The following CTNND1 variants were observed in gnomAD, a reference collection of about 807,000 sequenced individuals.
CTNND1 encodes catenin delta 1, also known as catenin delta-1.
CTNND1 carries 16 observed loss-of-function variants against 112.1 expected under a neutral mutation model. The observed-to-expected ratio is 0.14, with a 90% CI of 0.10 to 0.22. The LOEUF is 0.22. CTNND1 is among the 10% of genes least tolerant of loss of function. The probability of loss-of-function intolerance (pLI) is 1.00; values close to 1 mark genes in which losing one functional copy is unlikely to be tolerated. For synonymous variants in CTNND1, 420 were observed against 446.5 expected (o/e 0.94, Z 0.75); for missense variants, 1,008 against 1,257.0 (o/e 0.80, Z 3.00).
At chr11:57,803,050 T>C (rs1347497605) in intron 7 of CTNND1, among the ~76,000 whole-genome samples, 4 of 152,304 alleles carry the variant, frequency 2.6e-5, no homozygotes, top group East Asian at 1.9e-4. Flanking sequence ...ATGTCAGTGG[T>C]GCTGAGGTTG....
At chr11:57,786,143 AG>A (rs1432481563) in intron 1 of CTNND1, among the ~76,000 whole-genome samples, 1 of 151,946 alleles carries the variant, frequency 6.6e-6, no homozygotes, top group African/African-American at 2.4e-5. Context: ...GGGAATAACA[AG>A]TTTCACTTTA....
intron 6 of CTNND1, among the ~76,000 whole-genome samples, chr11:57,799,117 C>G (rs911079232): frequency 6.6e-6 from 1 of 152,088 alleles, no homozygotes; most frequent in African/African-American, 2.4e-5. Context: ...GGGTAGAGGC[C>G]CCATTATCTA....
chr11:57,800,663 A>T (rs2061919705), intron 6 of CTNND1, among the ~76,000 whole-genome samples: 1 of 152,220 alleles, frequency 6.6e-6, no homozygotes, highest in Non-Finnish European at 1.5e-5. Flanking sequence ...GATACCTGTG[A>T]GGCAGGCCTT....
chr11:57,808,467 T>C lies in CTNND1; in HGVS notation c.2169T>C (p.His723=). The C allele has an allele frequency of 6.2e-7, 1 of 1,613,342 alleles. No individual in the cohort carries two copies. The highest frequency in any genetic ancestry group is 8.5e-7 in the Non-Finnish European group (1 of 1,179,624). ...SAIADLLTNE[H]ERVVKAASGA... is the part of the protein sequence containing the mutation. Reference sequence around the variant, plus strand: ...TAGCTGACCTCCTGACTAATGAACATGAACGGGTGGTGAAAGCTGCATCTG... The same window carrying C: ...TAGCTGACCTCCTGACTAATGAACACGAACGGGTGGTGAAAGCTGCATCTG... The change falls in exon 14 of 21, where the codon CAT becomes CAC. Residue 723 remains histidine, a synonymous_variant. Coordinates refer to ENST00000399050, the MANE Select transcript of CTNND1 (RefSeq NM_001085458.2).
chr11:57,785,459 T>C (rs1001250255), intron 1 of CTNND1, among the ~76,000 whole-genome samples: 2 of 152,220 alleles, frequency 1.3e-5, no homozygotes, highest in Non-Finnish European at 2.9e-5. Context: ...CTTAACCTCT[T>C]AAGAATCATA....
chr11:57,798,344 CAA>C (rs71061542), intron 6 of CTNND1, among the ~76,000 whole-genome samples: 1,385 of 105,674 alleles, frequency 0.013, 15 homozygotes, highest in African/African-American at 0.035. Context: ...GAGACTGTCT[CAA>C]AAAAAAAAAA....
intron 6 of CTNND1, among the ~76,000 whole-genome samples, chr11:57,799,805 A>G (rs573864731): frequency 6.6e-6 from 1 of 152,270 alleles, no homozygotes; most frequent in African/African-American, 2.4e-5. Context: ...AAAACCCAGA[A>G]AAGCATTACC....
At chr11:57,800,050 C>T (rs1370088882) in intron 6 of CTNND1, among the ~76,000 whole-genome samples, 2 of 124,210 alleles carry the variant, frequency 1.6e-5, no homozygotes, top group Non-Finnish European at 3.1e-5. Flanking sequence ...AGCAGTGGTG[C>T]GATCTGGTAT....
chr11:57,796,730 T>C lies in CTNND1; in HGVS notation c.694T>C (p.Ser232Pro), dbSNP rs2061394734. The change falls in exon 6 of 21, where the codon TCC (serine) becomes CCC (proline). Residue 232 changes from serine (S) to proline (P), a missense_variant. Physicochemically the swap from Ser to Pro is moderately conservative, Grantham distance 74. Coordinates refer to ENST00000399050, the MANE Select transcript of CTNND1 (RefSeq NM_001085458.2). ...PGGSDNYGSL[S>P]RVTRIEERYR... is the part of the protein sequence containing the mutation. ...TGGCAGTGATAACTATGGCAGTCTG[T>C]CCCGGGTGACCCGCATTGAGGAGCG... The C allele has an allele frequency of 5.0e-6, 8 of 1,613,954 alleles. No individual in the cohort carries two copies. Among genetic ancestry groups the C allele is most frequent in the East Asian group, 2.2e-5 (1 of 44,878 alleles).
At chr11:57,762,654 TCTTA>T (rs1381099578) in intron 1 of CTNND1, among the ~76,000 whole-genome samples, 3 of 152,202 alleles carry the variant, frequency 2.0e-5, no homozygotes, top group Non-Finnish European at 2.9e-5. Context: ...GGTGGATCCC[TCTTA>T]CTTTTCCAGG....
chr11:57,810,165 G>T lies in CTNND1; in HGVS notation c.2492G>T (p.Gly831Val). 6.2e-7 allele frequency: 1 copy of T among 1,613,134 alleles called. No individual in the cohort carries two copies. The highest frequency in any genetic ancestry group is 8.5e-7 in the Non-Finnish European group (1 of 1,179,476). ...GCACTTGTATTACAGACAATCTGGG[G>T]ATATAAGGAACTGCGGAAGCCACTG... ...AAALVLQTIW[G>V]YKELRKPLEK... Residue 831 changes from glycine to valine, a missense_variant, in exon 16 of 21, where the codon GGA (glycine) becomes GTA (valine). Around this residue, in one of 5 missense-constraint regions of CTNND1, gnomAD observed 28 missense variants for 60.6 expected, o/e 0.46. Coordinates refer to ENST00000399050, the MANE Select transcript of CTNND1 (RefSeq NM_001085458.2).
chr11:57,770,329 CAAAAATA>C (rs1291510691), intron 1 of CTNND1, among the ~76,000 whole-genome samples: 1 of 147,500 alleles, frequency 6.8e-6, no homozygotes, highest in Non-Finnish European at 1.5e-5. Flanking sequence ...GACTCCGTCT[CAAAAATA>C]AAAAATAAAA....
chr11:57,808,148 A>G lies in CTNND1; in HGVS notation c.1964-17A>G, dbSNP rs369536016. 1,156 of 1,602,084 alleles carry G rather than the reference A, an allele frequency of 7.2e-4. 14 individuals carry two copies. The South Asian group carries it at 9.6e-3, about 13-fold the overall frequency. On this transcript the variant is annotated splice_polypyrimidine_tract_variant and intron_variant, in intron 12 of 20. Transcript: ENST00000399050. Reference sequence around the variant, plus strand: ...GTACTGATTAGCACCCTCTGCTTCTATTTCTCTTTTGTGCAGGCTATGAGC... The same window carrying G: ...GTACTGATTAGCACCCTCTGCTTCTGTTTCTCTTTTGTGCAGGCTATGAGC...
chr11:57,807,380 C>T (rs966643944), intron 12 of CTNND1, among the ~76,000 whole-genome samples: 4 of 152,108 alleles, frequency 2.6e-5, no homozygotes, highest in African/African-American at 7.2e-5. Context: ...CCGAGGCGGG[C>T]AGATCACCTG....
rs1273695546 is a variant in CTNND1 at position 57,802,172 on chromosome 11, A to G, written c.1396A>G (p.Met466Val). 3 of 1,613,250 alleles carry G rather than the reference A, an allele frequency of 1.9e-6. No individual in the cohort carries two copies. Among genetic ancestry groups the G allele is most frequent in the African/African-American group, 1.3e-5 (1 of 75,038 alleles). The part of the protein sequence containing the change: ...LVRLLRKARD[M>V]DLTEVITGTL... ...GCGATTGCTTCGAAAGGCTCGTGAT[A>G]TGGACCTTACTGAAGTTATTACCGG... Residue 466 changes from methionine to valine, a missense_variant, in exon 7 of 21, where the codon ATG becomes GTG. Met to Val is a conservative substitution (Grantham distance 21, BLOSUM62 1). This residue lies in a region of CTNND1 where 216 missense variants were observed against 342.8 expected (regional missense o/e 0.63). Coordinates refer to ENST00000399050, the MANE Select transcript of CTNND1 (RefSeq NM_001085458.2).
In CTNND1 at chr11:57,818,409, A is replaced by G. The variant is rs1279250512; in HGVS notation, c.*2101A>G. 6.6e-6 allele frequency: 1 copy of G among 152,256 alleles called. No individual in the cohort carries two copies. Among genetic ancestry groups the G allele is most frequent in the East Asian group, 1.9e-4 (1 of 5,176 alleles). 9.4% of individuals were successfully genotyped at this position (152,256 alleles called of 1,614,324 possible). A position where few individuals can be genotyped will look rare whatever the true frequency, so the allele number is the denominator to read the frequency against. On this transcript the variant is annotated 3_prime_UTR_variant, in exon 21 of 21. Transcript: ENST00000399050. ...TGTCTTGTTAATGCTTTTAAAAACA[A>G]ATGAGTTTTTTATATAAATAAAGTT...
At chr11:57,791,789 T>G in intron 3 of CTNND1, 116 bp downstream of exon 3, 3 of 1,150,012 alleles carry the variant, frequency 2.6e-6, no homozygotes, top group Non-Finnish European at 3.5e-6. Flanking sequence ...GTGCCCGTTC[T>G]TCCAGGGATT....
At chr11:57,775,234 T>C (rs1178088547) in intron 1 of CTNND1, among the ~76,000 whole-genome samples, 1 of 151,306 alleles carries the variant, frequency 6.6e-6, no homozygotes, top group Admixed American at 6.6e-5. Context: ...CCAGGCACGG[T>C]GGCCTGTGCC....
At chr11:57,763,429 A>G (rs1369514172) in intron 1 of CTNND1, among the ~76,000 whole-genome samples, 3 of 152,134 alleles carry the variant, frequency 2.0e-5, no homozygotes, top group Non-Finnish European at 4.4e-5. Context: ...AATTTTTTTA[A>G]GACTAGACTT....
Sources: allele counts gnomAD v4.1 joint callset (sites outside exome capture counted in the v4.1 genomes callset), GRCh38; gene constraint gnomAD v4.1.1; regional missense constraint gnomAD v4.1.1; transcripts MANE v1.5; gene names NCBI Gene and HGNC (gene_info 2026-07-23, HGNC 2026-07-21).